Variants in DSCAM observed in about 807,000 individuals in gnomAD.
DSCAM encodes cell adhesion molecule DSCAM.
DSCAM carries 47 observed loss-of-function variants against 217.7 expected under a neutral mutation model. The ratio of observed to expected loss-of-function variants is 0.22; its 90% CI spans 0.17 to 0.28. DSCAM has a LOEUF of 0.28. Among genes scored for constraint, DSCAM ranks in the 10% least tolerant of loss-of-function variants. The pLI, the probability that DSCAM is intolerant of heterozygous loss-of-function variation, is 1.00. For missense variants in DSCAM, 2,080 were observed against 2,618.3 expected, an observed-to-expected ratio of 0.79 and a Z score of 4.49; for synonymous variants, 1,056 against 1,015.3, an observed-to-expected ratio of 1.04 and a Z score of -0.76.
At chr21:40,782,612 C>G (rs1439935658) in intron 1 of DSCAM, among the ~76,000 whole-genome samples, 1 of 152,046 alleles carries the variant, frequency 6.6e-6, no homozygotes, top group Non-Finnish European at 1.5e-5. Context: ...CACCTGTAGA[C>G]TCAGCTACTC....
chr21:40,286,142 G>C (rs1317184001), intron 10 of DSCAM, among the ~76,000 whole-genome samples: 3 of 151,940 alleles, frequency 2.0e-5, no homozygotes, highest in Admixed American at 6.6e-5. Context: ...TCAGGCTTGT[G>C]GTCAGAAGTT....
intron 1 of DSCAM, among the ~76,000 whole-genome samples, chr21:40,734,520 G>A (rs1474726393): frequency 6.6e-6 from 1 of 152,196 alleles, no homozygotes; most frequent in Non-Finnish European, 1.5e-5. Flanking sequence ...CATACACAAA[G>A]GACAGAAAGG....
chr21:40,180,725 C>G (rs2090789637), intron 14 of DSCAM, among the ~76,000 whole-genome samples: 1 of 152,188 alleles, frequency 6.6e-6, no homozygotes, highest in Non-Finnish European at 1.5e-5. Flanking sequence ...GTTTCTGAAA[C>G]TGACGGGGCC....
intron 1 of DSCAM, among the ~76,000 whole-genome samples, chr21:40,768,281 T>C (rs1342614339): frequency 2.0e-5 from 3 of 152,048 alleles, no homozygotes; most frequent in Admixed American, 6.6e-5. Context: ...CCAAGACAGG[T>C]GGCCTTCCCA....
chr21:40,340,691 A>AT (rs1555906940), intron 6 of DSCAM, among the ~76,000 whole-genome samples: 11 of 152,216 alleles, frequency 7.2e-5, no homozygotes, highest in Admixed American at 3.3e-4. Context: ...GAATGAGTAG[A>AT]TTTTTTTTAG....
rs1569032011 is a variant in DSCAM, at chr21:40,266,667, ATAT to A, written c.2356+9427_2356+9429del. ...TATATATATATATATATATATATAT[ATAT>A]AATCTTGAAATTTTATATATATAAA... On this transcript the variant is annotated intron_variant, in intron 11 of 32. Coordinates refer to ENST00000400454, the MANE Select transcript of DSCAM (RefSeq NM_001389.5). 1.2e-4 allele frequency among the ~76,000 whole-genome samples: 16 copies of A among 132,394 alleles called. 2 individuals are homozygous for A. Among genetic ancestry groups the A allele is most frequent in the South Asian group, 4.7e-4 (2 of 4,258 alleles). The allele number at this position is 132,394 out of a possible 152,430, so 86.9% of individuals were successfully genotyped here. A position where few individuals can be genotyped will look rare whatever the true frequency, so the allele number is the denominator to read the frequency against.
intron 1 of DSCAM, among the ~76,000 whole-genome samples, chr21:40,765,206 C>T (rs904144983): frequency 3.3e-5 from 5 of 152,142 alleles, no homozygotes; most frequent in Non-Finnish European, 5.9e-5. Flanking sequence ...TGAGGGCATA[C>T]TTTCCTAACC....
rs766889972 is a variant in DSCAM at position 40,338,272 on chromosome 21, A to G, written c.1612T>C (p.Tyr538His). Residue 538 changes from tyrosine to histidine, a missense_variant, in exon 8 of 33, where the codon TAC becomes CAC. By Grantham distance (83) the Tyr-to-His change is moderately conservative. Coordinates refer to ENST00000400454, the MANE Select transcript of DSCAM (RefSeq NM_001389.5). ...AAAGGAAGCAGGTTAGAGTTCTTGT[A>G]CCATTTAATGGAGTAATACGGATAG... is the stretch of plus-strand genomic sequence containing the variant. ...IGYPYYSIKW[Y>H]KNSNLLPFNH... The G allele has an allele frequency of 3.1e-6, 5 of 1,614,226 alleles. No individual in the cohort carries two copies. The highest frequency in any genetic ancestry group is 3.4e-6 in the Non-Finnish European group (4 of 1,180,034).
intron 11 of DSCAM, among the ~76,000 whole-genome samples, chr21:40,193,944 G>A (rs1322800007): frequency 6.6e-6 from 1 of 152,126 alleles, no homozygotes; most frequent in African/African-American, 2.4e-5. Context: ...TAATTCCCTA[G>A]TACTTTAAAA....
Position 40,666,099 on chromosome 21 carries a change from G to A in DSCAM, c.508+26711C>T, listed in dbSNP as rs556580877. The stretch of plus-strand genomic sequence containing the variant: ...CAGTGGGGACTGCCAACAATTTAAT[G>A]GTAACCTGAGGAGACCAACCACATC... On this transcript the variant is annotated intron_variant, in intron 3 of 32. Coordinates refer to ENST00000400454, the MANE Select transcript of DSCAM (RefSeq NM_001389.5). Among the ~76,000 whole-genome samples the A allele has an allele frequency of 2.0e-5, 3 of 152,282 alleles. No individual in the cohort carries two copies. The East Asian group carries it at 5.8e-4, about 29-fold the overall frequency.
intron 3 of DSCAM, among the ~76,000 whole-genome samples, chr21:40,439,614 T>G (rs977083959): frequency 7.2e-5 from 11 of 152,310 alleles, no homozygotes; most frequent in Admixed American, 6.5e-4. Flanking sequence ...TCTGTATTAG[T>G]CTGCTTTTAC....
intron 2 of DSCAM, among the ~76,000 whole-genome samples, chr21:40,704,674 T>C (rs8134629): frequency 0.36 from 54,118 of 151,870 alleles, 11,433 homozygotes; most frequent in African/African-American, 0.6. Context: ...CACGATCCCA[T>C]CACTGCACTC....
At chr21:40,177,029 A>G (rs758276837) in intron 15 of DSCAM, among the ~76,000 whole-genome samples, 4 of 152,206 alleles carry the variant, frequency 2.6e-5, no homozygotes, top group Admixed American at 1.3e-4. Context: ...GGTGGCTGGG[A>G]TGGGGCGAGA....
At chr21:40,111,587 G>C (rs2089899575) in intron 20 of DSCAM, among the ~76,000 whole-genome samples, 1 of 152,108 alleles carries the variant, frequency 6.6e-6, no homozygotes, top group Non-Finnish European at 1.5e-5. Context: ...CATGTAAATG[G>C]ACTAAATGCT....
At chr21:40,076,604 A>G (rs998485833) in intron 26 of DSCAM, among the ~76,000 whole-genome samples, 1 of 152,250 alleles carries the variant, frequency 6.6e-6, no homozygotes, top group Non-Finnish European at 1.5e-5. Flanking sequence ...GCATTTTTCA[A>G]AATTTGGGAT....
intron 6 of DSCAM, among the ~76,000 whole-genome samples, chr21:40,343,321 G>A (rs1216341860): frequency 6.6e-6 from 1 of 152,142 alleles, no homozygotes; most frequent in African/African-American, 2.4e-5. Flanking sequence ...CTAGTATAAT[G>A]TTGAATGGAA....
chr21:40,284,276 G>A (rs950692359), intron 10 of DSCAM, among the ~76,000 whole-genome samples: 6 of 152,216 alleles, frequency 3.9e-5, no homozygotes, highest in Non-Finnish European at 7.3e-5. Flanking sequence ...GTATAGTCCT[G>A]AGACACCACT....
chr21:40,092,739 T>C (rs2089627662), intron 21 of DSCAM, among the ~76,000 whole-genome samples: 1 of 152,194 alleles, frequency 6.6e-6, no homozygotes, highest in African/African-American at 2.4e-5. Flanking sequence ...GTAATCATCA[T>C]TTTCTCATTC....
intron 1 of DSCAM, among the ~76,000 whole-genome samples, chr21:40,789,841 C>T (rs549251179): frequency 7.2e-4 from 109 of 152,170 alleles, no homozygotes; most frequent in Non-Finnish European, 1.3e-3. Flanking sequence ...AGGCGTGAGC[C>T]ACCGTGCCCG....
Sources: allele counts gnomAD v4.1 joint callset (sites outside exome capture counted in the v4.1 genomes callset), GRCh38; gene constraint gnomAD v4.1.1; transcripts MANE v1.5; gene names NCBI Gene and HGNC (gene_info 2026-07-23, HGNC 2026-07-21).